ERGIC1: variants seen among roughly 807,000 people sequenced by gnomAD.
ERGIC1 encodes endoplasmic reticulum-golgi intermediate compartment 1, also known as endoplasmic reticulum-Golgi intermediate compartment protein 1.
Under a neutral mutation model 38.3 loss-of-function variants are expected in ERGIC1, and 19 were observed. The ratio of observed to expected loss-of-function variants is 0.50; its 90% CI spans 0.35 to 0.73. The LOEUF is 0.73. Ranked by LOEUF, ERGIC1 falls within the 30% of genes least tolerant of loss-of-function variation. The pLI, the probability that ERGIC1 is intolerant of heterozygous loss-of-function variation, is 0.01. For missense variants in ERGIC1, 294 were observed against 389.2 expected (o/e 0.76, Z 2.06); for synonymous variants, 124 against 157.6 (o/e 0.79, Z 1.60).
chr5:172,891,972 G>A (rs1413282324), intron 2 of ERGIC1, among the ~76,000 whole-genome samples: 2 of 152,184 alleles, frequency 1.3e-5, no homozygotes, highest in Admixed American at 6.5e-5. Context: ...TGGTTTGTTG[G>A]AGATCCTTGT....
chr5:172,887,102 A>G (rs1561718131), intron 1 of ERGIC1, among the ~76,000 whole-genome samples: 1 of 152,170 alleles, frequency 6.6e-6, no homozygotes, highest in Non-Finnish European at 1.5e-5. Flanking sequence ...TTCACGTGTA[A>G]TTAGGGTGAG....
intron 1 of ERGIC1, among the ~76,000 whole-genome samples, chr5:172,838,749 G>A (rs1761089399): frequency 6.6e-6 from 1 of 152,040 alleles, no homozygotes. Context: ...AATTCCTTAG[G>A]CCCCAATAGG....
At chr5:172,877,832 G>A (rs969306979) in intron 1 of ERGIC1, among the ~76,000 whole-genome samples, 3 of 152,106 alleles carry the variant, frequency 2.0e-5, no homozygotes, top group African/African-American at 7.2e-5. Flanking sequence ...AGTTCACTGA[G>A]TGCTATTAAT....
chr5:172,920,304 G>A (rs915645074), intron 5 of ERGIC1: 14 of 717,254 alleles, frequency 2.0e-5, no homozygotes, highest in African/African-American at 5.2e-5. Flanking sequence ...GCCAGCCCCC[G>A]CACCTCTCTC....
intron 1 of ERGIC1, among the ~76,000 whole-genome samples, chr5:172,843,141 G>A (rs555182919): frequency 8.5e-5 from 13 of 152,228 alleles, no homozygotes; most frequent in African/African-American, 2.2e-4. Context: ...GTGAAACTCC[G>A]TCTCAAAAAT....
chr5:172,893,893 A>ATGTGTGTGTGTGTG (rs1454635586), intron 2 of ERGIC1, among the ~76,000 whole-genome samples: 1 of 19,772 alleles, frequency 5.1e-5, no homozygotes, highest in East Asian at 2.4e-3. Flanking sequence ...ATATATATAT[A>ATGTGTGTGTGTGTG]TATATATATA....
chr5:172,861,808 G>A (rs2113104875), intron 1 of ERGIC1, among the ~76,000 whole-genome samples: 1 of 152,140 alleles, frequency 6.6e-6, no homozygotes, highest in African/African-American at 2.4e-5. Flanking sequence ...TGATTGGTGG[G>A]GCAGAATAAG....
chr5:172,909,189 G>A (rs1285375435), intron 3 of ERGIC1, among the ~76,000 whole-genome samples: 2 of 15,520 alleles, frequency 1.3e-4, no homozygotes, highest in African/African-American at 3.9e-4. Flanking sequence ...TTTTTTTTGA[G>A]ACGGAGTTTC....
At chr5:172,899,433 T>G (rs1284509947) in intron 3 of ERGIC1, among the ~76,000 whole-genome samples, 2 of 137,324 alleles carry the variant, frequency 1.5e-5, no homozygotes, top group Non-Finnish European at 3.1e-5. Context: ...TTCTTGTGCT[T>G]TGCCTCCTGA....
intron 1 of ERGIC1, among the ~76,000 whole-genome samples, chr5:172,858,691 C>T (rs1363966326): frequency 1.3e-5 from 2 of 152,214 alleles, no homozygotes; most frequent in Non-Finnish European, 2.9e-5. Flanking sequence ...CTACTGCGTA[C>T]CTGGCAGACC....
Position 172,924,025 on chromosome 5 carries a change from G to A in ERGIC1, c.396G>A (p.Val132=), listed in dbSNP as rs1763595522. The change falls in exon 6 of 10, where the codon GTG becomes GTA. Residue 132 remains valine (V), a synonymous_variant. Transcript: ENST00000393784. ...SINKVPGNFH[V]STHSATAQPQ... is the part of the protein sequence containing the mutation. ...CCCAGGTCCCCGGCAACTTCCACGTGTCCACACACAGTGCCACAGCCCAGC... is the reference window on the plus strand; with the variant it reads ...CCCAGGTCCCCGGCAACTTCCACGTATCCACACACAGTGCCACAGCCCAGC... 6.2e-7 allele frequency: 1 copy of A among 1,614,168 alleles called. No homozygotes were observed. The highest frequency in any genetic ancestry group is 1.3e-5 in the African/African-American group (1 of 75,050).
intron 3 of ERGIC1, chr5:172,897,860 G>T (rs1232230252): frequency 7.2e-6 from 3 of 414,084 alleles, no homozygotes; most frequent in Non-Finnish European, 1.3e-5. Context: ...AGGAATCGGT[G>T]CAGGCTTCCT....
intron 2 of ERGIC1, among the ~76,000 whole-genome samples, chr5:172,889,071 C>T (rs1010264268): frequency 6.6e-6 from 1 of 152,160 alleles, no homozygotes; most frequent in African/African-American, 2.4e-5. Flanking sequence ...GATCAATTGA[C>T]ATCAGGAGTT....
chr5:172,914,621 A>G (rs752486576), intron 4 of ERGIC1, 93 bp from the exon 5 acceptor site: 50 of 1,608,358 alleles, frequency 3.1e-5, no homozygotes, highest in Non-Finnish European at 3.8e-5. Flanking sequence ...TGCCCCTGCA[A>G]TGGATGAATG....
intron 1 of ERGIC1, among the ~76,000 whole-genome samples, chr5:172,861,880 A>G (rs1761709411): frequency 6.6e-6 from 1 of 152,222 alleles, no homozygotes; most frequent in Non-Finnish European, 1.5e-5. Context: ...AGTGTGGACT[A>G]CTTTTCAGTA....
At chr5:172,875,873 C>T (rs2113193641) in intron 1 of ERGIC1, among the ~76,000 whole-genome samples, 1 of 152,274 alleles carries the variant, frequency 6.6e-6, no homozygotes. Flanking sequence ...TGGCCACGTC[C>T]TTTATTTATT....
intron 9 of ERGIC1, among the ~76,000 whole-genome samples, chr5:172,942,553 C>G (rs188679658): frequency 1.3e-5 from 2 of 152,288 alleles, no homozygotes; most frequent in Admixed American, 1.3e-4. Context: ...CACCCCCAAC[C>G]AAGAAGATTT....
At chr5:172,943,262 A>G (rs1199653739) in intron 9 of ERGIC1, among the ~76,000 whole-genome samples, 6 of 152,106 alleles carry the variant, frequency 3.9e-5, no homozygotes, top group Non-Finnish European at 8.8e-5. Flanking sequence ...TGCAGCCCAT[A>G]GGAATTGTAA....
At position 172,926,587 on chromosome 5, in the gene ERGIC1, G is replaced by C; in HGVS notation, c.541+18G>C. 1 of 1,610,678 alleles carries C rather than the reference G, an allele frequency of 6.2e-7. No individual in the cohort carries two copies. Among genetic ancestry groups the C allele is most frequent in the Non-Finnish European group, 8.5e-7 (1 of 1,179,946 alleles). On this transcript the variant is annotated intron_variant, in intron 7 of 9. Coordinates refer to ENST00000393784, the MANE Select transcript of ERGIC1 (RefSeq NM_001031711.3). This position sits in a 1 kb window ranked among gnomAD's most constrained non-coding sequence, Gnocchi z 5.2. ...CTCCAACCGTATGTATCCCTGCTGGGAACAGCCTTCTGCTCCAAGATGCCC... is the reference window on the plus strand; with the variant it reads ...CTCCAACCGTATGTATCCCTGCTGGCAACAGCCTTCTGCTCCAAGATGCCC...
Sources: gnomAD v4.1 joint callset for allele counts (sites outside exome capture counted in the v4.1 genomes callset) on GRCh38, gnomAD v4.1.1 for gene constraint, Gnocchi (gnomAD v3.1) non-coding constraint, MANE v1.5 for transcripts, NCBI Gene and HGNC (gene_info 2026-07-23, HGNC 2026-07-21) for gene names.